Variants in RAB3IP observed in about 807,000 individuals in gnomAD.
RAB3IP encodes rab-3A-interacting protein.
RAB3IP carries 36 observed loss-of-function variants against 59.1 expected under a neutral mutation model. The observed-to-expected ratio is 0.61, with a 90% CI of 0.47 to 0.80. The LOEUF is 0.80. RAB3IP is among the 30% of genes least tolerant of loss of function. The pLI, the probability that RAB3IP is intolerant of heterozygous loss-of-function variation, is 0.00. For synonymous variants in RAB3IP, 207 were observed against 191.2 expected (o/e 1.08, Z -0.68); for missense variants, 511 against 536.0 (o/e 0.95, Z 0.46).
chr12:69,762,131 A>G (rs1208792731), intron 3 of RAB3IP, among the ~76,000 whole-genome samples: 4 of 152,228 alleles, frequency 2.6e-5, no homozygotes, highest in Non-Finnish European at 5.9e-5. Context: ...ACCACTTCCC[A>G]GCAACAAATC....
rs1877157120 is a variant in RAB3IP, at chr12:69,794,618, G to C, written c.684+104G>C. 1.2e-5 allele frequency: 10 copies of C among 838,550 alleles called. No individual in the cohort carries two copies. In the South Asian group the frequency reaches 2.2e-4, roughly 18 times the overall value. The allele number at this position is 838,550 out of a possible 1,614,324, so 51.9% of individuals were successfully genotyped here. A position where few individuals can be genotyped will look rare whatever the true frequency, so the allele number is the denominator to read the frequency against. On this transcript the variant is annotated intron_variant, in intron 5 of 10. Transcript: ENST00000247833. ...TTGTTCTGATCGTAAAGTAGTGCTT[G>C]TTTTCAATTTGGAAACTACAGAAAA...
chr12:69,790,140 A>G (rs761615875), intron 4 of RAB3IP, among the ~76,000 whole-genome samples: 16 of 152,204 alleles, frequency 1.1e-4, no homozygotes, highest in Admixed American at 2.6e-4. Flanking sequence ...CTGTGTGCAG[A>G]TGACATGATC....
chr12:69,749,118 G>T (rs1022729525), intron 1 of RAB3IP, among the ~76,000 whole-genome samples: 1 of 152,216 alleles, frequency 6.6e-6, no homozygotes, highest in African/African-American at 2.4e-5. Flanking sequence ...TCTGTGGCCT[G>T]TTAAGAATTG....
In RAB3IP at chr12:69,784,770, T is replaced by A. The variant is rs1318689300; in HGVS notation, c.561T>A (p.Asp187Glu). 56 of 1,610,274 alleles carry A rather than the reference T, an allele frequency of 3.5e-5. No homozygotes were observed. The highest frequency in any genetic ancestry group is 4.5e-5 in the Non-Finnish European group (53 of 1,177,926). ...EECERLSKVR[D>E]QLGQELEELT... ...GTGAGAGGCTTTCAAAAGTGCGAGATCAACTTGGACAGGAATTGGAAGAAC... is the reference window on the plus strand; with the variant it reads ...GTGAGAGGCTTTCAAAAGTGCGAGAACAACTTGGACAGGAATTGGAAGAAC... The change falls in exon 4 of 11, where the codon GAT (aspartate) becomes GAA (glutamate). Residue 187 changes from aspartate to glutamate, a missense_variant. By Grantham distance (45) the Asp-to-Glu change is conservative (BLOSUM62 2). Transcript: ENST00000247833.
intron 4 of RAB3IP, among the ~76,000 whole-genome samples, chr12:69,789,644 T>C (rs1312577264): frequency 2.0e-5 from 3 of 152,122 alleles, no homozygotes; most frequent in Admixed American, 1.3e-4. Context: ...GAAAAAACTA[T>C]GGGCCAATAT....
At chr12:69,753,182 T>C (rs925211193) in intron 1 of RAB3IP, among the ~76,000 whole-genome samples, 3 of 152,234 alleles carry the variant, frequency 2.0e-5, no homozygotes, top group African/African-American at 7.2e-5. Flanking sequence ...TTTGTAATTT[T>C]GAAATGATAC....
In RAB3IP at chr12:69,756,404, G is replaced by A; in HGVS notation, c.252-1G>A. The A allele has an allele frequency of 6.2e-7, 1 of 1,613,250 alleles. No homozygotes were observed. Among genetic ancestry groups the A allele is most frequent in the Non-Finnish European group, 8.5e-7 (1 of 1,179,708 alleles). ...CTGAAAAATGTCTCTCTCCTTTACA[G>A]CTTTCATGTTACAGACCCAGCCCCT... On this transcript the variant is annotated splice_acceptor_variant, in intron 2 of 10. Transcript: ENST00000247833. LOFTEE classifies it high-confidence loss of function.
chr12:69,784,627 A>G (rs192802220), intron 3 of RAB3IP, 93 bp from the exon 4 acceptor site: 210 of 516,118 alleles, frequency 4.1e-4, no homozygotes, highest in African/African-American at 4.0e-3. Flanking sequence ...GACAGTATTC[A>G]TATTTTATAA....
chr12:69,773,399 C>CTTT (rs71437123), intron 3 of RAB3IP, among the ~76,000 whole-genome samples: 6,820 of 47,718 alleles, frequency 0.14, 780 homozygotes, highest in South Asian at 0.17. Flanking sequence ...ATTTGTCTTT[C>CTTT]TTTTTTTTTT....
intron 3 of RAB3IP, among the ~76,000 whole-genome samples, chr12:69,776,049 C>CT (rs1236516361): frequency 1.2e-3 from 9 of 7,788 alleles, no homozygotes; most frequent in African/African-American, 3.8e-3. Flanking sequence ...GTCCTGGACT[C>CT]TTTTTGGTTG....
chr12:69,788,592 G>A (rs116555727), intron 4 of RAB3IP, among the ~76,000 whole-genome samples: 1,628 of 152,206 alleles, frequency 0.011, 26 homozygotes, highest in African/African-American at 0.037. Flanking sequence ...GGCTGATACA[G>A]TAATACATTA....
At chr12:69,814,906 G>A (rs186863234) in intron 10 of RAB3IP, among the ~76,000 whole-genome samples, 48 of 152,184 alleles carry the variant, frequency 3.2e-4, no homozygotes, top group Admixed American at 2.0e-3. Flanking sequence ...TTCTCACAAC[G>A]TTACTGAGTT....
intron 3 of RAB3IP, among the ~76,000 whole-genome samples, chr12:69,763,876 A>G (rs1056908497): frequency 5.9e-5 from 9 of 152,070 alleles, no homozygotes; most frequent in African/African-American, 1.9e-4. Flanking sequence ...TTCTGTTCCT[A>G]TGTTAATTTG....
upstream of RAB3IP, chr12:69,738,483 C>G (rs1279228482): frequency 1.3e-5 from 2 of 152,312 alleles, no homozygotes; most frequent in Non-Finnish European, 2.9e-5. Flanking sequence ...CAGGTTGGTT[C>G]TAGGAGTCCT....
intron 3 of RAB3IP, among the ~76,000 whole-genome samples, chr12:69,770,294 C>T (rs533063912): frequency 6.6e-6 from 1 of 152,114 alleles, no homozygotes; most frequent in Non-Finnish European, 1.5e-5. Context: ...ATCCGCCCCC[C>T]CACCCTGCCG....
At chr12:69,800,169 G>C (rs368531118) in intron 6 of RAB3IP, 40 bp from the exon 7 acceptor site, 2 of 1,449,814 alleles carry the variant, frequency 1.4e-6, no homozygotes, top group Non-Finnish European at 1.8e-6. Context: ...ATGTTTATAC[G>C]TTTTAAAACA....
chr12:69,739,825 A>G, intron 1 of RAB3IP: 6 of 1,614,104 alleles, frequency 3.7e-6, no homozygotes, highest in Non-Finnish European at 5.1e-6. Context: ...AAGTCGCAGC[A>G]TGTGAAGAGT....
intron 8 of RAB3IP, among the ~76,000 whole-genome samples, chr12:69,806,674 A>C (rs1219414384): frequency 6.6e-6 from 1 of 150,408 alleles, no homozygotes. Flanking sequence ...GATGGTCAGC[A>C]GATAAACACG....
chr12:69,786,798 CAATA>C, intron 4 of RAB3IP, among the ~76,000 whole-genome samples: 1 of 8,986 alleles, frequency 1.1e-4, no homozygotes, highest in South Asian at 4.0e-3. Context: ...GCAGCTTAGG[CAATA>C]GGCAATAAGT....
Sources: gnomAD v4.1 joint callset for allele counts (sites outside exome capture counted in the v4.1 genomes callset) on GRCh38, gnomAD v4.1.1 for gene constraint, MANE v1.5 for transcripts, NCBI Gene and HGNC (gene_info 2026-07-23, HGNC 2026-07-21) for gene names.